The following LDLRAD4 variants were observed in gnomAD, a reference collection of about 807,000 sequenced individuals.
The protein encoded by LDLRAD4 is low density lipoprotein receptor class A domain containing 4.
In LDLRAD4, 5 loss-of-function variants were observed where a neutral mutation model predicts 17.0. That is an observed-to-expected ratio of 0.29 (90% confidence interval 0.15 to 0.62). The LOEUF (loss-of-function observed/expected upper bound fraction) is 0.62, where lower values mean the gene tolerates loss of function less well. LDLRAD4 is among the 20% of genes least tolerant of loss of function. LDLRAD4 has a pLI of 0.84. For missense variants in LDLRAD4, 340 were observed against 424.7 expected, an observed-to-expected ratio of 0.80 and a Z score of 1.75; for synonymous variants, 168 against 171.8, an observed-to-expected ratio of 0.98 and a Z score of 0.17.
chr18:13,295,546 A>C (rs913625199), intron 1 of LDLRAD4, among the ~76,000 whole-genome samples: 19 of 152,230 alleles, frequency 1.2e-4, no homozygotes, highest in African/African-American at 7.2e-5. Flanking sequence ...TGGCTTGTAC[A>C]CAAAGTTAAA....
Position 13,455,543 on chromosome 18 carries a change from A to T in LDLRAD4, c.181+17159A>T, listed in dbSNP as rs796130412. 5.2e-5 allele frequency among the ~76,000 whole-genome samples: 3 copies of T among 57,582 alleles called. No individual in the cohort carries two copies. In the South Asian group the frequency reaches 2.0e-3, roughly 38 times the overall value. The allele number at this position is 57,582 out of a possible 152,430, so 37.8% of individuals were successfully genotyped here. Reference sequence around the variant, plus strand: ...GTAGAGGAGACACTAGGAGCAGCTCAGCATCCCCCCACAGCCTGGACGGCT... The same window carrying T: ...GTAGAGGAGACACTAGGAGCAGCTCTGCATCCCCCCACAGCCTGGACGGCT... On this transcript the variant is annotated intron_variant, in intron 3 of 5. Transcript: ENST00000359446.
intron 1 of LDLRAD4, among the ~76,000 whole-genome samples, chr18:13,306,893 G>A (rs2046947608): frequency 6.6e-6 from 1 of 152,182 alleles, no homozygotes; most frequent in Non-Finnish European, 1.5e-5. Context: ...TCAAGAGCTA[G>A]TAGACACCAC....
At position 13,645,440 on chromosome 18, in the gene LDLRAD4, C is replaced by T. The variant is rs367731439; in HGVS notation, c.704C>T (p.Ser235Leu). Residue 235 changes from serine to leucine, a missense_variant, in exon 6 of 6, where the codon TCG (serine) becomes TTG (leucine). By Grantham distance (145) the Ser-to-Leu change is moderately radical. Coordinates refer to ENST00000359446, the Ensembl canonical transcript of LDLRAD4. This position sits in a 1 kb window ranked among gnomAD's most constrained non-coding sequence, Gnocchi z 5.7. ...GGTCCATGCCCACCCAGCAGCAACT[C>T]GGGCATCAGTGCAAGCACCTGCAGC... 20 of 1,613,896 alleles carry T rather than the reference C, an allele frequency of 1.2e-5. No homozygotes were observed. The highest frequency in any genetic ancestry group is 5.0e-5 in the Admixed American group (3 of 60,002).
At chr18:13,280,963 C>T (rs1342665183) in intron 1 of LDLRAD4, among the ~76,000 whole-genome samples, 3 of 152,170 alleles carry the variant, frequency 2.0e-5, no homozygotes, top group African/African-American at 7.2e-5. Flanking sequence ...CAAAGAGGAC[C>T]AATAGTACTG....
chr18:13,456,151 TC>T (rs2092121935), intron 3 of LDLRAD4, among the ~76,000 whole-genome samples: 1 of 152,204 alleles, frequency 6.6e-6, no homozygotes, highest in African/African-American at 2.4e-5. Context: ...AGGGCAGAGT[TC>T]CAGGTGTCAG....
chr18:13,566,508 G>A (rs1480949254), intron 3 of LDLRAD4, among the ~76,000 whole-genome samples: 2 of 151,888 alleles, frequency 1.3e-5, no homozygotes, highest in East Asian at 3.9e-4. Flanking sequence ...GACTACAGGC[G>A]CCTGCCACCA....
Position 13,596,387 on chromosome 18 carries a change from C to T in LDLRAD4, c.182-24730C>T, listed in dbSNP as rs2095095965. On this transcript the variant is annotated intron_variant, in intron 3 of 5. Coordinates refer to ENST00000359446, the Ensembl canonical transcript of LDLRAD4. The stretch of plus-strand genomic sequence containing the variant: ...ATTGATGTAGTTTGATTGGCATTTA[C>T]CACCTTACTTTTTGTTTCCTATATG... 2.0e-5 allele frequency among the ~76,000 whole-genome samples: 3 copies of T among 152,078 alleles called. No individual in the cohort carries two copies. The South Asian group carries it at 6.2e-4, about 31-fold the overall frequency.
chr18:13,280,632 C>T (rs765768891), intron 1 of LDLRAD4, among the ~76,000 whole-genome samples: 3 of 152,162 alleles, frequency 2.0e-5, no homozygotes, highest in Non-Finnish European at 4.4e-5. Context: ...GCAAAGAAAT[C>T]GTTAATTCAG....
intron 3 of LDLRAD4, among the ~76,000 whole-genome samples, chr18:13,485,434 A>G (rs1886403464): frequency 6.6e-6 from 1 of 152,242 alleles, no homozygotes; most frequent in Non-Finnish European, 1.5e-5. Flanking sequence ...CCTGTTGGGC[A>G]TGATGACCCT....
intron 1 of LDLRAD4, among the ~76,000 whole-genome samples, chr18:13,269,310 A>G (rs1444811702): frequency 6.6e-6 from 1 of 152,238 alleles, no homozygotes; most frequent in African/African-American, 2.4e-5. Context: ...GGTCTCATAG[A>G]GAAAATACTG....
intron 1 of LDLRAD4, among the ~76,000 whole-genome samples, chr18:13,369,767 T>A (rs1305085029): frequency 6.6e-6 from 1 of 152,204 alleles, no homozygotes; most frequent in Non-Finnish European, 1.5e-5. Context: ...ATAAATATCC[T>A]TTCCTTGGTG....
intron 2 of LDLRAD4, among the ~76,000 whole-genome samples, chr18:13,407,869 T>G (rs528408741): frequency 1.1e-4 from 17 of 152,372 alleles, no homozygotes. Flanking sequence ...CCCTTTGTAT[T>G]AATTGTTCTA....
At chr18:13,439,323 T>C (rs899871394) in intron 3 of LDLRAD4, among the ~76,000 whole-genome samples, 1 of 152,250 alleles carries the variant, frequency 6.6e-6, no homozygotes, top group Non-Finnish European at 1.5e-5. Context: ...TCCTACTGTA[T>C]TTTTATATGG....
At chr18:13,514,225 C>G (rs183419806) in intron 3 of LDLRAD4, among the ~76,000 whole-genome samples, 5 of 152,284 alleles carry the variant, frequency 3.3e-5, no homozygotes, top group African/African-American at 9.6e-5. Flanking sequence ...TCCTGACTCT[C>G]TCTGTGAACT....
chr18:13,640,846 G>A (rs2042488684), intron 4 of LDLRAD4, among the ~76,000 whole-genome samples: 1 of 152,180 alleles, frequency 6.6e-6, no homozygotes, highest in Non-Finnish European at 1.5e-5. Context: ...CGGAGAAGAG[G>A]GGCACCTGGG....
intron 3 of LDLRAD4, among the ~76,000 whole-genome samples, chr18:13,532,453 C>T (rs2094142793): frequency 6.6e-6 from 1 of 152,200 alleles, no homozygotes; most frequent in Non-Finnish European, 1.5e-5. Flanking sequence ...GGCCCAGATA[C>T]AAGCGACCGC....
At chr18:13,468,242 C>G (rs2092678929) in intron 3 of LDLRAD4, among the ~76,000 whole-genome samples, 1 of 152,136 alleles carries the variant, frequency 6.6e-6, no homozygotes, top group Non-Finnish European at 1.5e-5. Context: ...AGTCATTTAT[C>G]TGATGAAGGC....
At chr18:13,328,945 C>T (rs1470732310) in intron 1 of LDLRAD4, among the ~76,000 whole-genome samples, 1 of 152,146 alleles carries the variant, frequency 6.6e-6, no homozygotes, top group Non-Finnish European at 1.5e-5. Context: ...CACTGTTTTA[C>T]ACCTTGCTTT....
intron 1 of LDLRAD4, among the ~76,000 whole-genome samples, chr18:13,249,784 T>C (rs2043143233): frequency 1.3e-5 from 2 of 152,240 alleles, no homozygotes; most frequent in African/African-American, 4.8e-5. Context: ...TTGCTTTTGT[T>C]GCCCATGCTT....
Sources: allele counts gnomAD v4.1 joint callset (sites outside exome capture counted in the v4.1 genomes callset), GRCh38; gene constraint gnomAD v4.1.1; non-coding constraint Gnocchi (gnomAD v3.1); transcripts MANE v1.5; gene names NCBI Gene and HGNC (gene_info 2026-07-23, HGNC 2026-07-21).